ATP6V1C2: variants seen among roughly 807,000 people sequenced by gnomAD.
ATP6V1C2 encodes ATPase H+ transporting V1 subunit C2, also known as V-type proton ATPase subunit C 2.
In ATP6V1C2, 45 loss-of-function variants were observed where a neutral mutation model predicts 56.8. The ratio of observed to expected loss-of-function variants is 0.79; its 90% CI spans 0.62 to 1.02. The LOEUF is 1.02. Ranked by LOEUF, ATP6V1C2 falls within the 50% of genes least tolerant of loss-of-function variation. The probability of loss-of-function intolerance (pLI) is 0.00; values close to 1 mark genes in which losing one functional copy is unlikely to be tolerated. For missense variants in ATP6V1C2, 463 were observed against 519.7 expected, an observed-to-expected ratio of 0.89 and a Z score of 1.06; for synonymous variants, 220 against 201.3, an observed-to-expected ratio of 1.09 and a Z score of -0.79.
intron 3 of ATP6V1C2, among the ~76,000 whole-genome samples, chr2:10,744,654 T>G (rs1210134879): frequency 6.6e-6 from 1 of 150,626 alleles, no homozygotes; most frequent in African/African-American, 2.4e-5. Flanking sequence ...TTGATGGGTT[T>G]TTTTTTCTCT....
intron 3 of ATP6V1C2, among the ~76,000 whole-genome samples, chr2:10,739,528 AC>A (rs1486804578): frequency 6.7e-6 from 1 of 150,198 alleles, no homozygotes; most frequent in South Asian, 2.1e-4. Flanking sequence ...TGCCTGGAAG[AC>A]CCCCCACCCA....
intron 3 of ATP6V1C2, among the ~76,000 whole-genome samples, chr2:10,744,590 C>CT (rs1011036599): frequency 2.0e-5 from 3 of 151,884 alleles, no homozygotes; most frequent in African/African-American, 7.3e-5. Context: ...ATTCTAGTAT[C>CT]TGACACTTGA....
At chr2:10,759,506 C>G (rs1663768238) in intron 4 of ATP6V1C2, among the ~76,000 whole-genome samples, 1 of 152,176 alleles carries the variant, frequency 6.6e-6, no homozygotes, top group Admixed American at 6.5e-5. Flanking sequence ...CCAGCCTGTG[C>G]ACAGCATATT....
chr2:10,745,359 T>G (rs1409608970), intron 3 of ATP6V1C2, among the ~76,000 whole-genome samples: 2 of 88,608 alleles, frequency 2.3e-5, no homozygotes, highest in Non-Finnish European at 4.7e-5. Context: ...TTTTTAACCG[T>G]TTTTTTTTTT....
Position 10,777,702 on chromosome 2 carries a change from G to C in ATP6V1C2, c.943G>C (p.Glu315Gln), listed in dbSNP as rs1246043632. Reference sequence around the variant, plus strand: ...TGCGGGGCAGACCGACAGAGAGAGAGAGAGTGAGGGCGAGGGTGAGGTAAG... The same window carrying C: ...TGCGGGGCAGACCGACAGAGAGAGACAGAGTGAGGGCGAGGGTGAGGTAAG... ...PAAGQTDRER[E>Q]SEGEGEGPLL... is the part of the protein sequence containing the mutation. The change falls in exon 11 of 14, where the codon GAG becomes CAG. Residue 315 changes from glutamate (E) to glutamine (Q), a missense_variant. Transcript: ENST00000272238. The C allele has an allele frequency of 6.2e-7, 1 of 1,613,674 alleles. No homozygotes were observed. The highest frequency in any genetic ancestry group is 8.5e-7 in the Non-Finnish European group (1 of 1,179,936).
Position 10,783,903 on chromosome 2 carries a change from T to A in ATP6V1C2, c.*640T>A, listed in dbSNP as rs1033542840. On this transcript the variant is annotated 3_prime_UTR_variant, in exon 14 of 14. Transcript: ENST00000272238. ...TTTATTCTTTAATGGAAAAAGCCAT[T>A]AATATTCAAATGAAGGGATCACATT... The A allele has an allele frequency of 1.1e-5, 2 of 174,196 alleles. No homozygotes were observed. Among genetic ancestry groups the A allele is most frequent in the African/African-American group, 4.7e-5 (2 of 42,224 alleles). The allele number at this position is 174,196 out of a possible 1,614,324, so 10.8% of individuals were successfully genotyped here.
intron 3 of ATP6V1C2, among the ~76,000 whole-genome samples, chr2:10,752,717 A>G (rs1223286626): frequency 6.6e-6 from 1 of 152,156 alleles, no homozygotes. Context: ...TAAAATCGGC[A>G]GGGTGCGATG....
intron 12 of ATP6V1C2, among the ~76,000 whole-genome samples, chr2:10,779,281 A>G (rs1282994848): frequency 6.6e-6 from 1 of 150,830 alleles, no homozygotes; most frequent in Non-Finnish European, 1.5e-5. Flanking sequence ...ATTTTTTTAT[A>G]TTTTTAGTAG....
chr2:10,742,653 A>G (rs1662621137), intron 3 of ATP6V1C2, among the ~76,000 whole-genome samples: 2 of 152,032 alleles, frequency 1.3e-5, no homozygotes, highest in African/African-American at 4.8e-5. Flanking sequence ...AGAAGAGGAG[A>G]CAGATCTCAG....
At chr2:10,776,264 C>G (rs1664967217) in intron 10 of ATP6V1C2, among the ~76,000 whole-genome samples, 1 of 110,572 alleles carries the variant, frequency 9.0e-6, no homozygotes, top group African/African-American at 3.6e-5. Context: ...GGCGCTCACA[C>G]ACGTGTGTGT....
chr2:10,770,521 A>G (rs958223806), intron 6 of ATP6V1C2, among the ~76,000 whole-genome samples: 1 of 152,240 alleles, frequency 6.6e-6, no homozygotes, highest in African/African-American at 2.4e-5. Context: ...AGAGAGCCCT[A>G]AGGGGATGGG....
At chr2:10,770,223 A>G (rs1442239415) in intron 6 of ATP6V1C2, among the ~76,000 whole-genome samples, 2 of 151,998 alleles carry the variant, frequency 1.3e-5, no homozygotes, top group Non-Finnish European at 2.9e-5. Flanking sequence ...ACATAGAGGA[A>G]CCTTGTCTCT....
chr2:10,726,447 G>C, intron 2 of ATP6V1C2, 55 bp from the exon 3 acceptor site: 1 of 1,358,756 alleles, frequency 7.4e-7, no homozygotes, highest in African/African-American at 1.4e-5. Context: ...TGTTGAGATG[G>C]CATCATGCTT....
intron 3 of ATP6V1C2, among the ~76,000 whole-genome samples, chr2:10,745,618 G>A (rs1662866701): frequency 2.0e-5 from 3 of 152,130 alleles, no homozygotes; most frequent in Admixed American, 2.0e-4. Flanking sequence ...TGGGTTTACA[G>A]GCATGAGCCA....
chr2:10,730,112 T>C (rs975803380), intron 3 of ATP6V1C2, among the ~76,000 whole-genome samples: 1 of 152,170 alleles, frequency 6.6e-6, no homozygotes, highest in African/African-American at 2.4e-5. Context: ...CTAGTGAACA[T>C]ACTTTGAGTA....
chr2:10,722,875 C>T lies in ATP6V1C2; in HGVS notation c.26C>T (p.Ala9Val). Residue 9 changes from alanine to valine, a missense_variant, in exon 2 of 14, where the codon GCC (alanine) becomes GTC (valine). By Grantham distance (64) the Ala-to-Val change is moderately conservative (BLOSUM62 0). Coordinates refer to ENST00000272238, the MANE Select transcript of ATP6V1C2 (RefSeq NM_001039362.2). MSEFWLIS[A>V]PGDKENLQAL... ...ATGTCGGAGTTTTGGTTAATTTCTG[C>T]CCCTGGCGATAAGGAAAATTTGCAA... The T allele has an allele frequency of 1.2e-6, 2 of 1,614,024 alleles. No homozygotes were observed. The highest frequency in any genetic ancestry group is 1.7e-6 in the Non-Finnish European group (2 of 1,179,990).
intron 6 of ATP6V1C2, 125 bp downstream of exon 6, chr2:10,768,935 G>A: frequency 1.3e-6 from 1 of 751,226 alleles, no homozygotes; most frequent in Non-Finnish European, 2.2e-6. Context: ...CAGACAGACA[G>A]GTGGAGGCAC....
chr2:10,782,200 G>A, intron 12 of ATP6V1C2, 43 bp from the exon 13 acceptor site: 1 of 1,609,140 alleles, frequency 6.2e-7, no homozygotes, highest in Non-Finnish European at 8.5e-7. Context: ...ATCCGTGTTT[G>A]CATTTGGAGC....
chr2:10,727,271 T>A (rs542578592), intron 3 of ATP6V1C2, among the ~76,000 whole-genome samples: 3 of 151,972 alleles, frequency 2.0e-5, no homozygotes, highest in Non-Finnish European at 4.4e-5. Context: ...GGTTTCACCA[T>A]GTGTTCCAGG....
Sources: gnomAD v4.1 joint callset for allele counts (sites outside exome capture counted in the v4.1 genomes callset) on GRCh38, gnomAD v4.1.1 for gene constraint, MANE v1.5 for transcripts, NCBI Gene and HGNC (gene_info 2026-07-23, HGNC 2026-07-21) for gene names.